PDE11A: variants seen among roughly 807,000 people sequenced by gnomAD.
The protein encoded by PDE11A is phosphodiesterase 11A, also known as dual 3',5'-cyclic-AMP and -GMP phosphodiesterase 11A.
In PDE11A, 100 loss-of-function variants were observed where a neutral mutation model predicts 100.5. That is an observed-to-expected ratio of 1.00 (90% CI 0.85 to 1.18). The LOEUF (loss-of-function observed/expected upper bound fraction) is 1.18, where lower values mean the gene tolerates loss of function less well. PDE11A is among the 50% of genes most tolerant of loss of function. The probability of loss-of-function intolerance (pLI) is 0.00; values close to 1 mark genes in which losing one functional copy is unlikely to be tolerated. For missense variants in PDE11A, 1,141 were observed against 1,152.6 expected (o/e 0.99, Z 0.15); for synonymous variants, 381 against 420.8 (o/e 0.91, Z 1.16).
intron 19 of PDE11A, among the ~76,000 whole-genome samples, chr2:177,654,087 C>T (rs568683829): frequency 1.3e-5 from 2 of 152,264 alleles, no homozygotes; most frequent in African/African-American, 4.8e-5. Flanking sequence ...TCTAATCATG[C>T]TTAATACTAT....
intron 6 of PDE11A, among the ~76,000 whole-genome samples, chr2:177,829,410 G>A (rs556292577): frequency 6.6e-6 from 1 of 151,852 alleles, no homozygotes; most frequent in East Asian, 1.9e-4. Context: ...CATTGTGCAT[G>A]GACTATATTT....
At chr2:177,709,885 G>A (rs1347731) in intron 13 of PDE11A, among the ~76,000 whole-genome samples, 98,265 of 152,008 alleles carry the variant, frequency 0.65, 34,635 homozygotes, top group East Asian at 0.84. Flanking sequence ...TTCCTGAGGT[G>A]GTTTCTCCAA....
At position 177,625,745 on chromosome 2, in the gene PDE11A, A is replaced by T. The variant is rs2079822929; in HGVS notation, c.*3662T>A. Reference sequence around the variant, plus strand: ...TCCTTTCTCTTTTTTGGAAAAGCAGATTATATGGATAACTGCATATGCCTC... The same window carrying T: ...TCCTTTCTCTTTTTTGGAAAAGCAGTTTATATGGATAACTGCATATGCCTC... On this transcript the variant is annotated 3_prime_UTR_variant, in exon 20 of 20. Coordinates refer to ENST00000286063, the MANE Select transcript of PDE11A (RefSeq NM_016953.4). 1 of 152,382 alleles carries T rather than the reference A, an allele frequency of 6.6e-6. No homozygotes were observed. Among genetic ancestry groups the T allele is most frequent in the African/African-American group, 2.4e-5 (1 of 41,460 alleles). The allele number at this position is 152,382 out of a possible 1,614,324, so 9.4% of individuals were successfully genotyped here. A position where few individuals can be genotyped will look rare whatever the true frequency, so the allele number is the denominator to read the frequency against.
intron 17 of PDE11A, among the ~76,000 whole-genome samples, 170 bp downstream of exon 17, chr2:177,675,285 G>A (rs1171417577): frequency 6.8e-6 from 1 of 148,058 alleles, no homozygotes; most frequent in Non-Finnish European, 1.5e-5. Context: ...AAAGGGCTGT[G>A]CAATAAACTG....
chr2:177,726,102 A>G (rs2081596400), intron 12 of PDE11A, among the ~76,000 whole-genome samples: 1 of 152,056 alleles, frequency 6.6e-6, no homozygotes, highest in Non-Finnish European at 1.5e-5. Flanking sequence ...TTTCCAAGCA[A>G]TGGTTGTTAC....
At chr2:178,104,424 G>A (rs1319914126) in exon 2 of PDE11A, 2 of 1,613,820 alleles carry the variant, frequency 1.2e-6, no homozygotes, top group Admixed American at 1.7e-5. Context: ...GTGGCACTGA[G>A]CACATTTCTG....
chr2:177,979,955 A>G (rs1029427849), intron 2 of PDE11A, among the ~76,000 whole-genome samples: 12 of 150,534 alleles, frequency 8.0e-5, no homozygotes, highest in African/African-American at 2.9e-4. Context: ...AAACAATAGT[A>G]AGAACATTTG....
chr2:177,957,867 C>A (rs1276523627), intron 2 of PDE11A, among the ~76,000 whole-genome samples: 1 of 149,952 alleles, frequency 6.7e-6, no homozygotes, highest in East Asian at 1.9e-4. Flanking sequence ...TGTTGAAGAC[C>A]ACCTATACAT....
chr2:177,720,055 G>A (rs1305661122), intron 12 of PDE11A, among the ~76,000 whole-genome samples: 1 of 152,012 alleles, frequency 6.6e-6, no homozygotes, highest in East Asian at 1.9e-4. Context: ...GGTGGATCAC[G>A]GTGGTCAGAG....
At chr2:178,030,522 C>T (rs1385747297) in intron 1 of PDE11A, among the ~76,000 whole-genome samples, 1 of 151,718 alleles carries the variant, frequency 6.6e-6, no homozygotes, top group African/African-American at 2.4e-5. Context: ...AAAGAAAGAC[C>T]ATTCTCCCAG....
chr2:177,930,639 T>C (rs2105763086), intron 2 of PDE11A, among the ~76,000 whole-genome samples: 1 of 152,298 alleles, frequency 6.6e-6, no homozygotes, highest in African/African-American at 2.4e-5. Flanking sequence ...GTAGAAAGGA[T>C]AAGAAATCTC....
At chr2:177,946,137 G>A (rs1241138132) in intron 2 of PDE11A, among the ~76,000 whole-genome samples, 24 of 108,950 alleles carry the variant, frequency 2.2e-4, no homozygotes, top group African/African-American at 7.3e-4. Flanking sequence ...CAGCCGCCCC[G>A]TCTGGGAGGT....
intron 9 of PDE11A, among the ~76,000 whole-genome samples, chr2:177,788,716 A>G (rs1478303116): frequency 1.3e-5 from 2 of 152,210 alleles, no homozygotes; most frequent in Non-Finnish European, 2.9e-5. Context: ...TATCACCACC[A>G]ATCCCACAGA....
rs150461691 is a variant in PDE11A, at chr2:177,626,065, G to A, written c.*3342C>T. 1 of 152,726 alleles carries A rather than the reference G, an allele frequency of 6.5e-6. No homozygotes were observed. The highest frequency in any genetic ancestry group is 1.5e-5 in the Non-Finnish European group (1 of 68,030). 9.5% of individuals were successfully genotyped at this position (152,726 alleles called of 1,614,324 possible). A position where few individuals can be genotyped will look rare whatever the true frequency, so the allele number is the denominator to read the frequency against. ...CCACTGTATGGCAGATTGCAATGGTGTTGAACTCCCCTTGCTACCAGTGGA... is the reference window on the plus strand; with the variant it reads ...CCACTGTATGGCAGATTGCAATGGTATTGAACTCCCCTTGCTACCAGTGGA... On this transcript the variant is annotated 3_prime_UTR_variant, in exon 20 of 20. Transcript: ENST00000286063.
At chr2:177,844,648 C>A (rs1393182956) in intron 5 of PDE11A, among the ~76,000 whole-genome samples, 1 of 151,126 alleles carries the variant, frequency 6.6e-6, no homozygotes, top group Non-Finnish European at 1.5e-5. Context: ...AACAAGTGAA[C>A]AAAGGTCTCT....
intron 5 of PDE11A, among the ~76,000 whole-genome samples, chr2:177,872,906 T>C (rs973357278): frequency 1.3e-5 from 2 of 152,154 alleles, no homozygotes; most frequent in Non-Finnish European, 2.9e-5. Flanking sequence ...TACTGGACAA[T>C]GATGGAAAGG....
chr2:178,000,886 A>G (rs2086136732), intron 2 of PDE11A, among the ~76,000 whole-genome samples: 1 of 152,198 alleles, frequency 6.6e-6, no homozygotes, highest in Admixed American at 6.5e-5. Context: ...CATGTATATC[A>G]GGCCCATCTA....
At chr2:177,635,270 C>T (rs944323241) in intron 19 of PDE11A, among the ~76,000 whole-genome samples, 1 of 152,154 alleles carries the variant, frequency 6.6e-6, no homozygotes, top group African/African-American at 2.4e-5. Flanking sequence ...GGACTGATAA[C>T]TCAGGTTTTG....
At chr2:177,667,527 G>C (rs1035250989) in intron 18 of PDE11A, among the ~76,000 whole-genome samples, 1 of 152,132 alleles carries the variant, frequency 6.6e-6, no homozygotes, top group Non-Finnish European at 1.5e-5. Context: ...CCATGCTGCA[G>C]ATTAGTTGAC....
Sources: gnomAD v4.1 joint callset for allele counts (sites outside exome capture counted in the v4.1 genomes callset) on GRCh38, gnomAD v4.1.1 for gene constraint, MANE v1.5 for transcripts, NCBI Gene and HGNC (gene_info 2026-07-23, HGNC 2026-07-21) for gene names.